Variants in SLC36A1 observed in about 807,000 individuals in gnomAD.
SLC36A1 encodes proton-coupled amino acid transporter 1.
SLC36A1 carries 30 observed loss-of-function variants against 47.5 expected under a neutral mutation model. The ratio of observed to expected loss-of-function variants is 0.63; its 90% CI spans 0.47 to 0.86. The LOEUF is 0.86. Ranked by LOEUF, SLC36A1 falls within the 40% of genes least tolerant of loss-of-function variation. The probability of loss-of-function intolerance (pLI) is 0.00; values close to 1 mark genes in which losing one functional copy is unlikely to be tolerated. For missense variants in SLC36A1, 517 were observed against 606.0 expected (o/e 0.85, Z 1.54); for synonymous variants, 255 against 249.7 (o/e 1.02, Z -0.20).
At chr5:151,417,832 T>A in the SLC36A1 span, among the ~76,000 whole-genome samples, 1 of 152,134 alleles carries the variant, frequency 6.6e-6, no homozygotes, top group Non-Finnish European at 1.5e-5. Context: ...AATCACCAAA[T>A]CAATGGGGAA....
the SLC36A1 span, among the ~76,000 whole-genome samples, chr5:151,384,412 T>C: frequency 1.5e-3 from 229 of 152,318 alleles, 2 homozygotes; most frequent in African/African-American, 5.5e-3. Flanking sequence ...GGGTTGTATA[T>C]TTAAAACAAA....
the SLC36A1 span, among the ~76,000 whole-genome samples, chr5:151,532,960 A>G: frequency 1.3e-5 from 2 of 152,350 alleles, no homozygotes; most frequent in Non-Finnish European, 2.9e-5. Flanking sequence ...TGGCACTTAT[A>G]TGAAGAAACC....
the SLC36A1 span, among the ~76,000 whole-genome samples, chr5:151,533,119 G>A: frequency 6.6e-6 from 1 of 152,132 alleles, no homozygotes; most frequent in Admixed American, 6.5e-5. Flanking sequence ...CTGTGTGATT[G>A]TAGAGGGCAG....
At chr5:151,351,917 T>C in the SLC36A1 span, among the ~76,000 whole-genome samples, 1 of 152,122 alleles carries the variant, frequency 6.6e-6, no homozygotes, top group African/African-American at 2.4e-5. Flanking sequence ...TGAGAACATA[T>C]CAGTATTCCT....
At chr5:151,350,391 T>C in the SLC36A1 span, among the ~76,000 whole-genome samples, 64 of 152,318 alleles carry the variant, frequency 4.2e-4, no homozygotes, top group African/African-American at 1.4e-3. Flanking sequence ...AGAGCTTTGA[T>C]TGGATTCCAG....
the SLC36A1 span, among the ~76,000 whole-genome samples, chr5:151,538,269 A>G: frequency 6.6e-6 from 1 of 152,236 alleles, no homozygotes; most frequent in East Asian, 1.9e-4. Flanking sequence ...CAGGGCTAGA[A>G]GGGACTGCTA....
chr5:151,441,408 T>C (rs1192893026), intron 1 of SLC36A1, among the ~76,000 whole-genome samples: 1 of 152,190 alleles, frequency 6.6e-6, no homozygotes, highest in Non-Finnish European at 1.5e-5. Flanking sequence ...TCAGAGCTTC[T>C]AAGAAGACCT....
rs79061121 is a variant in SLC36A1, at chr5:151,477,784, G to T, written c.989+1028G>T. ...TGCCCTTCCAAGAAGGAAGAGGCAG[G>T]TGGTAGCTTGGTGTAACTGTGTCAC... On this transcript the variant is annotated intron_variant, in intron 9 of 10. Transcript: ENST00000243389. Among the ~76,000 whole-genome samples the T allele has an allele frequency of 0.01, 1,526 of 152,302 alleles. 60 individuals are homozygous for T. The East Asian group carries it at 0.13, about 13-fold the overall frequency.
At chr5:151,402,304 G>T in the SLC36A1 span, among the ~76,000 whole-genome samples, 11 of 152,010 alleles carry the variant, frequency 7.2e-5, no homozygotes, top group Non-Finnish European at 1.6e-4. Context: ...TTTATTGGTT[G>T]GTGTGTGCTG....
At chr5:151,544,192 A>G in the SLC36A1 span, 21 of 1,614,244 alleles carry the variant, frequency 1.3e-5, no homozygotes, top group Non-Finnish European at 1.8e-5. Flanking sequence ...GCCATCCTCC[A>G]CAATCTGATA....
chr5:151,431,953 C>T, the SLC36A1 span, among the ~76,000 whole-genome samples: 2 of 152,182 alleles, frequency 1.3e-5, no homozygotes, highest in Non-Finnish European at 1.5e-5. Context: ...CTTTACCCTC[C>T]TTGCCCAGAG....
Position 151,479,389 on chromosome 5 carries a change from C to T in SLC36A1, c.1059C>T (p.Val353=), listed in dbSNP as rs1758511861. The change falls in exon 10 of 11, where the codon GTC becomes GTT. Residue 353 remains valine (V), a synonymous_variant. Coordinates refer to ENST00000243389, the MANE Select transcript of SLC36A1 (RefSeq NM_078483.4). ...IFFTYALQFY[V]PAEIIIPFFV... is the part of the protein sequence containing the mutation. ...TCACCTACGCACTCCAGTTCTACGT[C>T]CCGGCTGAGATCATCATCCCCTTCT... 2 of 1,614,130 alleles carry T rather than the reference C, an allele frequency of 1.2e-6. No individual in the cohort carries two copies. Among genetic ancestry groups the T allele is most frequent in the African/African-American group, 1.3e-5 (1 of 74,942 alleles).
the SLC36A1 span, chr5:151,540,902 G>A: frequency 2.5e-3 from 1,668 of 661,546 alleles, 28 homozygotes; most frequent in African/African-American, 0.027. Context: ...AGGAACCCAC[G>A]ATTCTACACT....
the SLC36A1 span, chr5:151,511,892 T>C: frequency 1.8e-5 from 9 of 487,774 alleles, no homozygotes; most frequent in Non-Finnish European, 3.0e-5. Flanking sequence ...CACTAAGGTA[T>C]GTGATTAATT....
At chr5:151,545,693 A>G in the SLC36A1 span, 3 of 1,614,082 alleles carry the variant, frequency 1.9e-6, no homozygotes, top group South Asian at 3.3e-5. Context: ...ATTTTGAAAA[A>G]CTTCAAGGCC....
the SLC36A1 span, among the ~76,000 whole-genome samples, chr5:151,369,557 A>G: frequency 1.3e-5 from 2 of 152,214 alleles, no homozygotes; most frequent in Non-Finnish European, 2.9e-5. Flanking sequence ...GCTCACTGCA[A>G]CTTCAAACTC....
chr5:151,438,451 T>C (rs1759907918), intron 1 of SLC36A1, among the ~76,000 whole-genome samples: 1 of 152,056 alleles, frequency 6.6e-6, no homozygotes, highest in Non-Finnish European at 1.5e-5. Context: ...CACCTGGCAC[T>C]CAGCACCCCC....
intron 7 of SLC36A1, among the ~76,000 whole-genome samples, chr5:151,471,153 C>T (rs548710608): frequency 5.9e-5 from 9 of 152,212 alleles, no homozygotes; most frequent in Non-Finnish European, 8.8e-5. Flanking sequence ...GTATGTATAG[C>T]GAAATCAGTT....
chr5:151,458,005 C>T (rs898666211), intron 1 of SLC36A1, among the ~76,000 whole-genome samples: 3 of 151,874 alleles, frequency 2.0e-5, no homozygotes, highest in East Asian at 1.9e-4. Context: ...TGCACCACCA[C>T]GCCCGGCTAA....
Sources: allele counts gnomAD v4.1 joint callset (sites outside exome capture counted in the v4.1 genomes callset), GRCh38; gene constraint gnomAD v4.1.1; transcripts MANE v1.5; gene names NCBI Gene and HGNC (gene_info 2026-07-23, HGNC 2026-07-21).